DNAH12: variants seen among roughly 807,000 people sequenced by gnomAD.
DNAH12 encodes axonemal beta dynein heavy chain 12.
A neutral mutation model predicts 371.5 loss-of-function variants in DNAH12; 285 were observed. The ratio of observed to expected loss-of-function variants is 0.77; its 90% CI spans 0.70 to 0.85. The LOEUF (loss-of-function observed/expected upper bound fraction) is 0.85, where lower values mean the gene tolerates loss of function less well. DNAH12 is among the 40% of genes least tolerant of loss of function. DNAH12 has a pLI of 0.00. For synonymous variants in DNAH12, 1,200 were observed against 1,213.0 expected, an observed-to-expected ratio of 0.99 and a Z score of 0.22; for missense variants, 3,611 against 3,689.4, an observed-to-expected ratio of 0.98 and a Z score of 0.55.
intron 11 of DNAH12, among the ~76,000 whole-genome samples, chr3:57,499,978 AG>A (rs1223245884): frequency 3.3e-5 from 5 of 152,136 alleles, no homozygotes; most frequent in Non-Finnish European, 7.4e-5. Context: ...CAATAGAACA[AG>A]GTCCCTTGAG....
At chr3:57,349,006 C>T (rs1244305559) in intron 60 of DNAH12, among the ~76,000 whole-genome samples, 3 of 146,376 alleles carry the variant, frequency 2.0e-5, no homozygotes, top group Non-Finnish European at 3.0e-5. Context: ...AAACCTCCTG[C>T]ACAGCAAAAG....
chr3:57,365,376 C>T (rs2063027369), intron 57 of DNAH12, among the ~76,000 whole-genome samples: 1 of 152,294 alleles, frequency 6.6e-6, no homozygotes, highest in Non-Finnish European at 1.5e-5. Flanking sequence ...CCAAACACCA[C>T]ATGTTCTCAC....
At chr3:57,355,488 A>C (rs2062777479) in intron 59 of DNAH12, among the ~76,000 whole-genome samples, 1 of 152,104 alleles carries the variant, frequency 6.6e-6, no homozygotes, top group East Asian at 1.9e-4. Context: ...TTTATGCCTA[A>C]ATTTTTTTTT....
chr3:57,306,793 A>G (rs1039129443), intron 69 of DNAH12, among the ~76,000 whole-genome samples: 3 of 152,184 alleles, frequency 2.0e-5, no homozygotes, highest in African/African-American at 4.8e-5. Context: ...TCCTAAAACC[A>G]GACAAGGCTT....
intron 28 of DNAH12, 80 bp from the exon 29 acceptor site, chr3:57,444,896 G>GCCTGC: frequency 1.5e-6 from 2 of 1,373,236 alleles, no homozygotes; most frequent in African/African-American, 1.5e-5. Flanking sequence ...CCCAGCCCCG[G>GCCTGC]CCTGCCCCAC....
Position 57,316,129 on chromosome 3 carries a change from TC to T in DNAH12, c.10525-1499del, listed in dbSNP as rs1426555075. Among the ~76,000 whole-genome samples the T allele has an allele frequency of 3.4e-4, 43 of 124,804 alleles. 2 individuals carry two copies. The highest frequency in any genetic ancestry group is 4.0e-3 in the Middle Eastern group (1 of 250). 81.9% of individuals were successfully genotyped at this position (124,804 alleles called of 152,430 possible). ...CATACTTTCTTAAAAAATAACCCCT[TC>T]CCCTTTTTTTTTTTTGCTTGTTTTT... On this transcript the variant is annotated intron_variant, in intron 65 of 73. Transcript: ENST00000495027.
intron 65 of DNAH12, among the ~76,000 whole-genome samples, chr3:57,318,997 A>C (rs1438304044): frequency 6.6e-6 from 1 of 152,166 alleles, no homozygotes; most frequent in Admixed American, 6.5e-5. Flanking sequence ...CTTCCAATCC[A>C]TGAACATGGG....
intron 60 of DNAH12, among the ~76,000 whole-genome samples, chr3:57,347,853 A>G (rs2062578921): frequency 6.6e-6 from 1 of 152,202 alleles, no homozygotes; most frequent in South Asian, 2.1e-4. Context: ...ATGAAATACC[A>G]CTAAACACTA....
chr3:57,320,883 C>T (rs1185816324), intron 65 of DNAH12, among the ~76,000 whole-genome samples: 1 of 152,160 alleles, frequency 6.6e-6, no homozygotes, highest in Non-Finnish European at 1.5e-5. Flanking sequence ...GTTTGTACTA[C>T]CAGAGAAGTT....
chr3:57,407,573 G>A (rs1251442013), intron 40 of DNAH12, among the ~76,000 whole-genome samples: 2 of 152,126 alleles, frequency 1.3e-5, no homozygotes, highest in Non-Finnish European at 2.9e-5. Context: ...TCCTGTTGCA[G>A]TGATCACAAA....
At chr3:57,299,997 C>G (rs1274295409) in intron 70 of DNAH12, among the ~76,000 whole-genome samples, 2 of 152,160 alleles carry the variant, frequency 1.3e-5, no homozygotes, top group Non-Finnish European at 2.9e-5. Flanking sequence ...AGACAATCCA[C>G]TAGCACATCT....
intron 50 of DNAH12, among the ~76,000 whole-genome samples, chr3:57,380,798 T>C (rs2063374412): frequency 6.6e-6 from 1 of 152,126 alleles, no homozygotes. Flanking sequence ...AACTTACATC[T>C]CCTTGGAAAT....
rs59005430 is a variant in DNAH12, at chr3:57,339,380, TAA to T, written c.9675-4442_9675-4441del. On this transcript the variant is annotated intron_variant, in intron 60 of 73. Transcript: ENST00000495027. The stretch of plus-strand genomic sequence containing the variant: ...ACACCCAAGAATGATCAATAAATAC[TAA>T]AAAAAAAAAAAAAAGAAAGAAAGTT... 7.7e-3 allele frequency among the ~76,000 whole-genome samples: 878 copies of T among 113,320 alleles called. 11 individuals carry two copies. The highest frequency in any genetic ancestry group is 0.029 in the African/African-American group (804 of 28,206). The allele number at this position is 113,320 out of a possible 152,430, so 74.3% of individuals were successfully genotyped here.
intron 29 of DNAH12, among the ~76,000 whole-genome samples, chr3:57,442,276 A>G (rs2153369252): frequency 8.4e-6 from 1 of 118,896 alleles, no homozygotes; most frequent in South Asian, 3.3e-4. Flanking sequence ...AGGGTAGCGT[A>G]AGAGGCTTTT....
At chr3:57,313,258 G>C (rs2061616557) in intron 66 of DNAH12, among the ~76,000 whole-genome samples, 1 of 152,106 alleles carries the variant, frequency 6.6e-6, no homozygotes, top group Non-Finnish European at 1.5e-5. Flanking sequence ...ACCTATGGTG[G>C]CTCATGCCTG....
At chr3:57,532,638 C>T (rs1354435485) in intron 2 of DNAH12, among the ~76,000 whole-genome samples, 2 of 152,196 alleles carry the variant, frequency 1.3e-5, no homozygotes, top group East Asian at 1.9e-4. Context: ...CTCTGGATTA[C>T]CAGACAGAAA....
intron 13 of DNAH12, among the ~76,000 whole-genome samples, chr3:57,473,238 A>G (rs1365318104): frequency 1.3e-5 from 2 of 152,146 alleles, no homozygotes; most frequent in East Asian, 3.9e-4. Flanking sequence ...TGTAATCCCA[A>G]CACTTTGGGA....
intron 4 of DNAH12, chr3:57,519,657 T>A: frequency 6.6e-7 from 1 of 1,512,066 alleles, no homozygotes; most frequent in Non-Finnish European, 9.2e-7. Flanking sequence ...CTAAGAAGCC[T>A]TCTAACCGCT....
At chr3:57,428,467 G>C (rs2064851905) in intron 34 of DNAH12, 166 bp downstream of exon 34, 1 of 1,535,086 alleles carries the variant, frequency 6.5e-7, no homozygotes, top group Non-Finnish European at 8.8e-7. Context: ...TTCAACCCCT[G>C]AGTTATGCAG....
Sources: gnomAD v4.1 joint callset for allele counts (sites outside exome capture counted in the v4.1 genomes callset) on GRCh38, gnomAD v4.1.1 for gene constraint, MANE v1.5 for transcripts, NCBI Gene and HGNC (gene_info 2026-07-23, HGNC 2026-07-21) for gene names.